The following AGPS variants were observed in gnomAD, a reference collection of about 807,000 sequenced individuals.
AGPS encodes alkyldihydroxyacetonephosphate synthase, peroxisomal.
Under a neutral mutation model 90.7 loss-of-function variants are expected in AGPS, and 26 were observed. The ratio of observed to expected loss-of-function variants is 0.29; its 90% CI spans 0.21 to 0.40. AGPS has a LOEUF of 0.40. Among genes scored for constraint, AGPS ranks in the 10% least tolerant of loss-of-function variants. The probability of loss-of-function intolerance (pLI) is 1.00; values close to 1 mark genes in which losing one functional copy is unlikely to be tolerated. For missense variants in AGPS, 540 were observed against 816.1 expected (o/e 0.66, Z 4.12); for synonymous variants, 294 against 285.3 (o/e 1.03, Z -0.31).
intron 16 of AGPS, among the ~76,000 whole-genome samples, chr2:177,508,472 T>G (rs1331071907): frequency 6.6e-6 from 1 of 152,214 alleles, no homozygotes; most frequent in Non-Finnish European, 1.5e-5. Flanking sequence ...AGGTGGTTTA[T>G]AAAGGAAATT....
rs537972821 is a variant in AGPS, at chr2:177,511,267, T to C, written c.1608-2552T>C. Among the ~76,000 whole-genome samples the C allele has an allele frequency of 7.0e-4, 107 of 151,950 alleles. No homozygotes were observed. In the Middle Eastern group the frequency reaches 0.01, roughly 14 times the overall value. On this transcript the variant is annotated intron_variant, in intron 16 of 19. Coordinates refer to ENST00000264167, the MANE Select transcript of AGPS (RefSeq NM_003659.4). ...GGTGCACGTCACCATGCTTGGCTAA[T>C]TTTTTTTGTTTGTAGAGATGAGGTC...
intron 8 of AGPS, among the ~76,000 whole-genome samples, chr2:177,460,124 A>C (rs1421446456): frequency 6.6e-6 from 1 of 152,182 alleles, no homozygotes; most frequent in Non-Finnish European, 1.5e-5. Context: ...ATGAGTACAC[A>C]TGGATACAGG....
At chr2:177,508,204 G>A (rs1688766329) in intron 16 of AGPS, among the ~76,000 whole-genome samples, 173 bp downstream of exon 16, 1 of 152,128 alleles carries the variant, frequency 6.6e-6, no homozygotes, top group African/African-American at 2.4e-5. Context: ...ATTTTCAAGT[G>A]TTTTATTGGG....
intron 10 of AGPS, among the ~76,000 whole-genome samples, chr2:177,469,690 G>A (rs963255766): frequency 6.6e-6 from 1 of 152,088 alleles, no homozygotes; most frequent in African/African-American, 2.4e-5. Context: ...CAAATTAGAG[G>A]AATGTAACTT....
intron 11 of AGPS, among the ~76,000 whole-genome samples, chr2:177,487,326 A>G (rs946408118): frequency 6.6e-6 from 1 of 152,126 alleles, no homozygotes; most frequent in African/African-American, 2.4e-5. Flanking sequence ...CTTCTCAGTA[A>G]AACCTAGTTT....
At chr2:177,530,435 C>A (rs1423003346) in intron 19 of AGPS, among the ~76,000 whole-genome samples, 1 of 152,156 alleles carries the variant, frequency 6.6e-6, no homozygotes, top group Non-Finnish European at 1.5e-5. Flanking sequence ...TTATTCAATG[C>A]TAGAGCTTTT....
rs1291646292 is a variant in AGPS, at chr2:177,523,816, T to C, written c.1855+11T>C. 1.2e-6 allele frequency: 2 copies of C among 1,608,646 alleles called. No individual in the cohort carries two copies. Among genetic ancestry groups the C allele is most frequent in the African/African-American group, 2.7e-5 (2 of 74,824 alleles). On this transcript the variant is annotated intron_variant, in intron 19 of 19. Coordinates refer to ENST00000264167, the MANE Select transcript of AGPS (RefSeq NM_003659.4). Reference sequence around the variant, plus strand: ...CACATCACCATGGAGGTATTCTTTTTTGGGAGTAGAATTTCTAATATTCTT... The same window carrying C: ...CACATCACCATGGAGGTATTCTTTTCTGGGAGTAGAATTTCTAATATTCTT...
At chr2:177,483,176 C>T (rs1687996259) in intron 11 of AGPS, among the ~76,000 whole-genome samples, 1 of 152,110 alleles carries the variant, frequency 6.6e-6, no homozygotes, top group Non-Finnish European at 1.5e-5. Flanking sequence ...TTGTAAGGTA[C>T]AGAAATGTAA....
intron 10 of AGPS, among the ~76,000 whole-genome samples, chr2:177,478,098 G>C (rs569511006): frequency 1.3e-5 from 2 of 152,138 alleles, no homozygotes; most frequent in African/African-American, 4.8e-5. Flanking sequence ...TTTCATTTTC[G>C]AAAGATAACT....
intron 11 of AGPS, among the ~76,000 whole-genome samples, chr2:177,489,701 G>A (rs529321703): frequency 2.6e-4 from 40 of 152,276 alleles, no homozygotes; most frequent in South Asian, 8.3e-4. Context: ...AATATAGTTA[G>A]GTACAAGTTC....
At chr2:177,409,020 CCT>C (rs1301834691) in intron 1 of AGPS, among the ~76,000 whole-genome samples, 3 of 152,096 alleles carry the variant, frequency 2.0e-5, no homozygotes, top group Admixed American at 6.5e-5. Context: ...AGTTTGAGAA[CCT>C]CTGTTGTTGT....
chr2:177,446,100 C>T (rs1686760189), intron 8 of AGPS, among the ~76,000 whole-genome samples: 1 of 151,202 alleles, frequency 6.6e-6, no homozygotes, highest in Non-Finnish European at 1.5e-5. Context: ...AAGGAAAGAA[C>T]AATCCAGAGG....
At chr2:177,493,895 T>C (rs1046664007) in intron 12 of AGPS, among the ~76,000 whole-genome samples, 1 of 152,126 alleles carries the variant, frequency 6.6e-6, no homozygotes, top group African/African-American at 2.4e-5. Flanking sequence ...GCAATGGAGA[T>C]AGAGAACGGA....
At chr2:177,442,596 C>T (rs1367803221) in intron 7 of AGPS, 110 bp downstream of exon 7, 7 of 913,416 alleles carry the variant, frequency 7.7e-6, no homozygotes, top group African/African-American at 3.3e-5. Flanking sequence ...CTTGTAATCC[C>T]AGCACCTGGG....
chr2:177,434,559 C>G (rs1686341270), intron 3 of AGPS, 142 bp downstream of exon 3: 1 of 657,950 alleles, frequency 1.5e-6, no homozygotes, highest in Non-Finnish European at 2.7e-6. Flanking sequence ...TTATATTGGC[C>G]TTGTTAGACT....
chr2:177,532,512 G>A (rs934287617), intron 19 of AGPS, among the ~76,000 whole-genome samples: 2 of 152,120 alleles, frequency 1.3e-5, no homozygotes, highest in Admixed American at 1.3e-4. Context: ...CATTGCTTGG[G>A]GGAATGTAAA....
chr2:177,526,271 C>T (rs1273434015), intron 19 of AGPS, among the ~76,000 whole-genome samples: 4 of 148,592 alleles, frequency 2.7e-5, no homozygotes, highest in African/African-American at 7.6e-5. Flanking sequence ...ACTTTATCAC[C>T]CAGGCTGGAG....
intron 1 of AGPS, among the ~76,000 whole-genome samples, chr2:177,412,692 C>T (rs1008372460): frequency 8.5e-5 from 13 of 152,144 alleles, no homozygotes; most frequent in African/African-American, 1.9e-4. Flanking sequence ...AAGATGTTGG[C>T]GGCCACTTCC....
Position 177,436,687 on chromosome 2 carries a change from A to T in AGPS, c.442-77A>T, listed in dbSNP as rs989233747. On this transcript the variant is annotated intron_variant, in intron 3 of 19. Transcript: ENST00000264167. ...ATGTTTAAAAAAAAGTCTACATTTT[A>T]TAGTCATTCTCTCTAACTGAAGTAC... The T allele has an allele frequency of 6.4e-6, 9 of 1,406,226 alleles. No individual in the cohort carries two copies. The East Asian group carries it at 1.8e-4, about 29-fold the overall frequency. The allele number at this position is 1,406,226 out of a possible 1,614,324, so 87.1% of individuals were successfully genotyped here.
Sources: allele counts gnomAD v4.1 joint callset (sites outside exome capture counted in the v4.1 genomes callset), GRCh38; gene constraint gnomAD v4.1.1; transcripts MANE v1.5; gene names NCBI Gene and HGNC (gene_info 2026-07-23, HGNC 2026-07-21).